RBPMS: variants seen among roughly 807,000 people sequenced by gnomAD.
RBPMS encodes the protein RNA-binding protein with multiple splicing.
Under a neutral mutation model 26.8 loss-of-function variants are expected in RBPMS, and 7 were observed. The observed-to-expected ratio is 0.26, with a 90% confidence interval of 0.15 to 0.49. The LOEUF is 0.49. RBPMS is among the 20% of genes least tolerant of loss of function. The probability of loss-of-function intolerance (pLI) is 0.98; values close to 1 mark genes in which losing one functional copy is unlikely to be tolerated. For synonymous variants in RBPMS, 96 were observed against 93.3 expected (o/e 1.03, Z -0.17); for missense variants, 186 against 250.0 (o/e 0.74, Z 1.73).
intron 1 of RBPMS, among the ~76,000 whole-genome samples, chr8:30,467,481 C>T (rs991428459): frequency 6.6e-6 from 1 of 152,150 alleles, no homozygotes; most frequent in South Asian, 2.1e-4. Context: ...GTTTATATTA[C>T]ATGGTCTGTC....
chr8:30,388,991 C>G (rs1807457160), intron 1 of RBPMS, among the ~76,000 whole-genome samples: 1 of 152,096 alleles, frequency 6.6e-6, no homozygotes, highest in South Asian at 2.1e-4. Context: ...GCTAATTTTG[C>G]CAAAATATTG....
intron 1 of RBPMS, among the ~76,000 whole-genome samples, chr8:30,465,539 C>T (rs922512651): frequency 6.6e-6 from 1 of 152,194 alleles, no homozygotes; most frequent in African/African-American, 2.4e-5. Context: ...GTAATCCCAG[C>T]GCTTTGAGAG....
intron 5 of RBPMS, among the ~76,000 whole-genome samples, chr8:30,516,997 A>T (rs1822395625): frequency 6.6e-6 from 1 of 152,036 alleles, no homozygotes; most frequent in South Asian, 2.1e-4. Flanking sequence ...TGTTTTAAAA[A>T]TTGAATGCTG....
intron 2 of RBPMS, among the ~76,000 whole-genome samples, chr8:30,477,115 C>G (rs796827395): frequency 2.0e-5 from 3 of 152,138 alleles, no homozygotes; most frequent in African/African-American, 7.2e-5. Context: ...AGTGTAGTGA[C>G]GCCATCGGCT....
Position 30,435,888 on chromosome 8 carries a change from C to G in RBPMS, c.67-38891C>G, listed in dbSNP as rs532156210. 3.9e-5 allele frequency among the ~76,000 whole-genome samples: 6 copies of G among 152,282 alleles called. No homozygotes were observed. In the South Asian group the frequency reaches 1.2e-3, roughly 32 times the overall value. ...TGGTGTGATCATAGCTCACTGCAGC[C>G]TCCAAACTCCTGGCCTCAGGTGATC... On this transcript the variant is annotated intron_variant, in intron 1 of 8. Transcript: ENST00000397323.
At chr8:30,516,028 G>A (rs974533347) in intron 5 of RBPMS, among the ~76,000 whole-genome samples, 8 of 152,152 alleles carry the variant, frequency 5.3e-5, no homozygotes, top group African/African-American at 1.2e-4. Context: ...TCGTTTTTAC[G>A]TGTGTAAAGG....
intron 6 of RBPMS, chr8:30,544,956 G>A (rs1825750894): frequency 5.5e-6 from 8 of 1,460,520 alleles, no homozygotes; most frequent in Non-Finnish European, 6.3e-6. Context: ...GTATACGTGT[G>A]TGCCTTGTGT....
At chr8:30,568,190 C>A (rs888778655) in intron 8 of RBPMS, among the ~76,000 whole-genome samples, 6 of 152,192 alleles carry the variant, frequency 3.9e-5, no homozygotes, top group African/African-American at 1.4e-4. Context: ...TAATTAGGAA[C>A]CTTTGCCACA....
At chr8:30,477,446 T>C (rs537472138) in intron 2 of RBPMS, among the ~76,000 whole-genome samples, 55 of 152,294 alleles carry the variant, frequency 3.6e-4, no homozygotes, top group African/African-American at 1.3e-3. Flanking sequence ...TTACCCTCTT[T>C]CCTTGCCTAT....
rs1180713870 is a variant in RBPMS at position 30,570,741 on chromosome 8, T to G, written c.*216T>G. On this transcript the variant is annotated 3_prime_UTR_variant, in exon 9 of 9. Coordinates refer to ENST00000397323, the MANE Select transcript of RBPMS (RefSeq NM_001008710.3). ...AAAAAATATAATTAATAAAAATGTT[T>G]TACTCTTTTACACTGTATAATTGTA... is the stretch of plus-strand genomic sequence containing the variant. The G allele has an allele frequency of 6.6e-6, 1 of 152,670 alleles. No homozygotes were observed. The highest frequency in any genetic ancestry group is 1.5e-5 in the Non-Finnish European group (1 of 68,046). The allele number at this position is 152,670 out of a possible 1,614,324, so 9.5% of individuals were successfully genotyped here. A position where few individuals can be genotyped will look rare whatever the true frequency, so the allele number is the denominator to read the frequency against.
At chr8:30,473,077 T>C (rs1479346937) in intron 1 of RBPMS, among the ~76,000 whole-genome samples, 2 of 152,194 alleles carry the variant, frequency 1.3e-5, no homozygotes, top group Non-Finnish European at 2.9e-5. Flanking sequence ...GAAAAACAAA[T>C]AGAAAATATG....
chr8:30,499,783 G>A (rs1441649781), intron 4 of RBPMS, among the ~76,000 whole-genome samples: 1 of 152,118 alleles, frequency 6.6e-6, no homozygotes, highest in Non-Finnish European at 1.5e-5. Context: ...AAAACAAAGA[G>A]ATGTCCTTGT....
At chr8:30,529,272 T>A (rs1416187841) in intron 5 of RBPMS, among the ~76,000 whole-genome samples, 5 of 152,130 alleles carry the variant, frequency 3.3e-5, no homozygotes, top group Non-Finnish European at 5.9e-5. Context: ...CCATTTTTTT[T>A]AGTGTACAAT....
chr8:30,476,413 C>T (rs1245700441), intron 2 of RBPMS, among the ~76,000 whole-genome samples: 2 of 152,176 alleles, frequency 1.3e-5, no homozygotes, highest in Admixed American at 6.5e-5. Context: ...TCAAGACCTT[C>T]ATGGTGTTTA....
intron 1 of RBPMS, among the ~76,000 whole-genome samples, chr8:30,385,709 G>A (rs1364046005): frequency 1.3e-5 from 2 of 152,124 alleles, no homozygotes. Flanking sequence ...CAAAGACCCC[G>A]AGCCTGGGCG....
chr8:30,450,616 G>A (rs1814450512), intron 1 of RBPMS, among the ~76,000 whole-genome samples: 1 of 152,030 alleles, frequency 6.6e-6, no homozygotes, highest in African/African-American at 2.4e-5. Context: ...TGGAATTCAT[G>A]ACACTTGAAA....
At chr8:30,436,844 A>C (rs565118302) in intron 1 of RBPMS, among the ~76,000 whole-genome samples, 47 of 152,170 alleles carry the variant, frequency 3.1e-4, no homozygotes, top group Non-Finnish European at 4.1e-4. Context: ...GCTTAAGGGC[A>C]CGTAATAAAT....
At chr8:30,408,195 C>T (rs1808868098) in intron 1 of RBPMS, among the ~76,000 whole-genome samples, 1 of 152,178 alleles carries the variant, frequency 6.6e-6, no homozygotes, top group African/African-American at 2.4e-5. Context: ...ACTCTCCCCA[C>T]CCTTAGTCCA....
intron 1 of RBPMS, 64 bp downstream of exon 1, chr8:30,385,222 C>A: frequency 2.4e-6 from 3 of 1,224,642 alleles, no homozygotes; most frequent in South Asian, 2.1e-5. Flanking sequence ...GCCGGCGGGG[C>A]GCGGGCCCGG....
Sources: gnomAD v4.1 joint callset for allele counts (sites outside exome capture counted in the v4.1 genomes callset) on GRCh38, gnomAD v4.1.1 for gene constraint, MANE v1.5 for transcripts, NCBI Gene and HGNC (gene_info 2026-07-23, HGNC 2026-07-21) for gene names.